PCDH15: variants seen among roughly 807,000 people sequenced by gnomAD.
PCDH15 encodes protocadherin-15.
PCDH15 carries 129 observed loss-of-function variants against 178.5 expected under a neutral mutation model. That is an observed-to-expected ratio of 0.72 (90% CI 0.63 to 0.84). The LOEUF (loss-of-function observed/expected upper bound fraction) is 0.84. Among genes scored for constraint, PCDH15 ranks in the 40% least tolerant of loss-of-function variants. The pLI is 0.00. For synonymous variants in PCDH15, 800 were observed against 732.0 expected, an observed-to-expected ratio of 1.09 and a Z score of -1.50; for missense variants, 2,230 against 2,099.9, an observed-to-expected ratio of 1.06 and a Z score of -1.21.
chr10:54,369,051 A>G (rs1399066087), intron 5 of PCDH15, 69 bp downstream of exon 5: 2 of 1,520,362 alleles, frequency 1.3e-6, no homozygotes, highest in Non-Finnish European at 1.8e-6. Flanking sequence ...TCATTTATAA[A>G]CATTTATTGT....
At chr10:55,372,803 T>A (rs912729584) in intron 2 of PCDH15, among the ~76,000 whole-genome samples, 1 of 152,150 alleles carries the variant, frequency 6.6e-6, no homozygotes, top group African/African-American at 2.4e-5. Flanking sequence ...CTCCCAAGAC[T>A]TTGAGAGTAC....
chr10:55,146,315 G>C (rs988471745), intron 2 of PCDH15, among the ~76,000 whole-genome samples: 5 of 151,958 alleles, frequency 3.3e-5, no homozygotes, highest in African/African-American at 9.7e-5. Flanking sequence ...TCAGCTGGCA[G>C]TAAGATTTTG....
chr10:55,108,939 A>T (rs1837427374), intron 2 of PCDH15, among the ~76,000 whole-genome samples: 1 of 152,178 alleles, frequency 6.6e-6, no homozygotes, highest in African/African-American at 2.4e-5. Flanking sequence ...CAAAATGATG[A>T]TCCCCACGTT....
At chr10:54,472,700 C>T (rs1042892997) in intron 3 of PCDH15, among the ~76,000 whole-genome samples, 5 of 152,028 alleles carry the variant, frequency 3.3e-5, no homozygotes, top group Non-Finnish European at 1.5e-5. Context: ...AGTGGATTGT[C>T]GTCAGGAAGG....
intron 2 of PCDH15, chr10:55,599,893 T>C (rs1291841071): frequency 6.6e-7 from 1 of 1,511,542 alleles, no homozygotes. Context: ...AGTAGGGACT[T>C]GTATGAATGG....
At chr10:53,868,703 T>C (rs1011319365) in intron 26 of PCDH15, among the ~76,000 whole-genome samples, 1 of 152,214 alleles carries the variant, frequency 6.6e-6, no homozygotes, top group African/African-American at 2.4e-5. Flanking sequence ...ATTCTATATA[T>C]ATTGTGAACC....
chr10:55,609,009 T>C (rs1564481452), intron 2 of PCDH15, among the ~76,000 whole-genome samples: 2 of 99,456 alleles, frequency 2.0e-5, no homozygotes, highest in South Asian at 3.7e-4. Flanking sequence ...ATATGTTATA[T>C]ATATATACAC....
At chr10:54,518,800 C>T (rs2082511383) in intron 3 of PCDH15, among the ~76,000 whole-genome samples, 1 of 152,142 alleles carries the variant, frequency 6.6e-6, no homozygotes, top group African/African-American at 2.4e-5. Flanking sequence ...AACATTGATG[C>T]AGAAATCCTC....
intron 2 of PCDH15, among the ~76,000 whole-genome samples, chr10:55,159,388 T>TATATATAC (rs1465817928): frequency 1.6e-4 from 3 of 19,332 alleles, no homozygotes; most frequent in African/African-American, 2.6e-4. Flanking sequence ...TATATATATA[T>TATATATAC]ACACACATAC....
In PCDH15 at chr10:55,451,275, G is replaced by T. The variant is rs571728748; in HGVS notation, c.-156+176350C>A. Among the ~76,000 whole-genome samples, 4 of 152,106 alleles carry T rather than the reference G, an allele frequency of 2.6e-5. No individual in the cohort carries two copies. In the East Asian group the frequency reaches 7.8e-4, roughly 30 times the overall value. ...GCACTTTGGGAGGCCAAGGTGGGTG[G>T]ATCACGAGGTCAGGAGATCGAGGCC... is the stretch of plus-strand genomic sequence containing the variant. On this transcript the variant is annotated intron_variant, in intron 2 of 5. Transcript: ENST00000613346.
intron 2 of PCDH15, among the ~76,000 whole-genome samples, chr10:55,524,728 T>C (rs1213031410): frequency 4.6e-5 from 7 of 151,636 alleles, no homozygotes; most frequent in Middle Eastern, 3.2e-3. Context: ...GGAGTCATTG[T>C]CCATAGCTTA....
Position 55,188,468 on chromosome 10 carries a change from G to A in PCDH15, c.-155-21817C>T, listed in dbSNP as rs141084943. 6.2e-3 allele frequency among the ~76,000 whole-genome samples: 938 copies of A among 151,898 alleles called. 8 individuals are homozygous for A. Among genetic ancestry groups the A allele is most frequent in the South Asian group, 0.02 (97 of 4,820 alleles). On this transcript the variant is annotated intron_variant, in intron 1 of 5. Transcript: ENST00000458638. ...GGAGTGGCAGATGTATTTTGTTAAA[G>A]ACAGAAAGTAATGCCGTCATATTCA...
At chr10:54,850,535 T>C (rs747668810) in intron 3 of PCDH15, among the ~76,000 whole-genome samples, 4 of 152,152 alleles carry the variant, frequency 2.6e-5, no homozygotes, top group Non-Finnish European at 4.4e-5. Flanking sequence ...TGAGAACATA[T>C]AATGCTTGGT....
chr10:53,897,401 A>C (rs2082022708), intron 26 of PCDH15, among the ~76,000 whole-genome samples: 2 of 152,184 alleles, frequency 1.3e-5, no homozygotes, highest in Admixed American at 6.5e-5. Context: ...GAATGAATTA[A>C]ATTAAATATA....
At chr10:54,640,589 GA>G (rs1366357383) in intron 2 of PCDH15, among the ~76,000 whole-genome samples, 2 of 151,964 alleles carry the variant, frequency 1.3e-5, no homozygotes, top group African/African-American at 2.4e-5. Flanking sequence ...ACATTTTTAT[GA>G]AAAATAAACA....
At chr10:55,111,677 C>G (rs1376798625) in intron 2 of PCDH15, among the ~76,000 whole-genome samples, 2 of 152,100 alleles carry the variant, frequency 1.3e-5, no homozygotes, top group African/African-American at 4.8e-5. Context: ...AACCCCATCT[C>G]TACTAAAAAT....
intron 3 of PCDH15, among the ~76,000 whole-genome samples, chr10:54,890,817 A>G (rs1237491077): frequency 6.6e-6 from 1 of 152,096 alleles, no homozygotes; most frequent in Non-Finnish European, 1.5e-5. Flanking sequence ...GGTACTTGCA[A>G]CCATCTACAT....
chr10:54,440,283 C>A (rs1399844112), intron 3 of PCDH15, among the ~76,000 whole-genome samples: 1 of 152,064 alleles, frequency 6.6e-6, no homozygotes, highest in Non-Finnish European at 1.5e-5. Flanking sequence ...AAGCTATTTG[C>A]AGGTGGCTTT....
intron 15 of PCDH15, among the ~76,000 whole-genome samples, chr10:54,131,156 TATA>T (rs1312585908): frequency 1.3e-5 from 2 of 152,192 alleles, no homozygotes; most frequent in Non-Finnish European, 2.9e-5. Context: ...ATTATTGAAC[TATA>T]ATATGTTTCC....
Sources: gnomAD v4.1 joint callset for allele counts (sites outside exome capture counted in the v4.1 genomes callset) on GRCh38, gnomAD v4.1.1 for gene constraint, MANE v1.5 for transcripts, NCBI Gene and HGNC (gene_info 2026-07-23, HGNC 2026-07-21) for gene names.